The following PIK3C2G variants were observed in gnomAD, a reference collection of about 807,000 sequenced individuals.
The protein encoded by PIK3C2G is phosphatidylinositol-4-phosphate 3-kinase catalytic subunit type 2 gamma.
Under a neutral mutation model 181.1 loss-of-function variants are expected in PIK3C2G, and 168 were observed. The ratio of observed to expected loss-of-function variants is 0.93; its 90% CI spans 0.82 to 1.05. PIK3C2G has a LOEUF of 1.05. Ranked by LOEUF, PIK3C2G falls within the 50% of genes least tolerant of loss-of-function variation. The pLI, the probability that PIK3C2G is intolerant of heterozygous loss-of-function variation, is 0.00. For missense variants in PIK3C2G, 1,869 were observed against 1,732.8 expected, an observed-to-expected ratio of 1.08 and a Z score of -1.40; for synonymous variants, 573 against 592.2, an observed-to-expected ratio of 0.97 and a Z score of 0.47.
chr12:18,415,201 C>A (rs1385666279), intron 16 of PIK3C2G, among the ~76,000 whole-genome samples: 1 of 152,162 alleles, frequency 6.6e-6, no homozygotes. Flanking sequence ...TTTGTGGCTT[C>A]CTTGAGTCAA....
At chr12:18,405,089 C>T (rs1944444624) in intron 16 of PIK3C2G, among the ~76,000 whole-genome samples, 1 of 152,100 alleles carries the variant, frequency 6.6e-6, no homozygotes, top group African/African-American at 2.4e-5. Context: ...TTGCATCATT[C>T]ACCAAGATAA....
chr12:18,652,662 T>C (rs1042368556), downstream of PIK3C2G, among the ~76,000 whole-genome samples: 3 of 152,108 alleles, frequency 2.0e-5, no homozygotes, highest in Admixed American at 1.3e-4. Flanking sequence ...AAACAAATGA[T>C]AGAATGGCAC....
chr12:18,387,325 CTCT>C (rs1943238290), intron 14 of PIK3C2G, among the ~76,000 whole-genome samples: 1 of 152,164 alleles, frequency 6.6e-6, no homozygotes, highest in African/African-American at 2.4e-5. Flanking sequence ...CCTGCTTAGA[CTCT>C]TCAATAACTC....
intron 1 of PIK3C2G, among the ~76,000 whole-genome samples, chr12:18,274,603 T>A (rs1230163631): frequency 6.6e-6 from 1 of 151,578 alleles, no homozygotes; most frequent in Non-Finnish European, 1.5e-5. Context: ...AATTGAACAA[T>A]GAGAACACAT....
At chr12:18,416,097 T>A (rs889718850) in intron 16 of PIK3C2G, among the ~76,000 whole-genome samples, 1 of 152,118 alleles carries the variant, frequency 6.6e-6, no homozygotes, top group Admixed American at 6.6e-5. Context: ...ATACAAAAAT[T>A]AGCTGGGTGT....
At chr12:18,261,258 T>G (rs1948224192), upstream of PIK3C2G, among the ~76,000 whole-genome samples, 1 of 152,260 alleles carries the variant, frequency 6.6e-6, no homozygotes, top group East Asian at 1.9e-4. Flanking sequence ...AAAAATATAT[T>G]TTCGTTTGTA....
intron 25 of PIK3C2G, among the ~76,000 whole-genome samples, chr12:18,540,786 C>G (rs1381166959): frequency 6.6e-6 from 1 of 151,806 alleles, no homozygotes; most frequent in Non-Finnish European, 1.5e-5. Context: ...GATTTAGGCT[C>G]TCACAGAAAT....
chr12:18,594,549 A>T lies in PIK3C2G; in HGVS notation c.4067A>T (p.Glu1356Val). ...GAGGCTGTGCAACAAACAGTTGAAG[A>T]ATCATCACCTGTGTACCTAGGTAAG... ...LSEAVQQTVE[E>V]SSPVYLGEKF... The change falls in exon 30 of 33, where the codon GAA becomes GTA. Residue 1356 changes from glutamate (E) to valine (V), a missense_variant. Glu to Val is a moderately radical substitution (Grantham distance 121). Transcript: ENST00000538779. The T allele has an allele frequency of 6.5e-7, 1 of 1,548,676 alleles. No individual in the cohort carries two copies. Among genetic ancestry groups the T allele is most frequent in the Non-Finnish European group, 8.7e-7 (1 of 1,151,004 alleles).
chr12:18,364,021 A>AGTAGCTCT (rs1941460131), intron 12 of PIK3C2G, among the ~76,000 whole-genome samples: 1 of 152,174 alleles, frequency 6.6e-6, no homozygotes, highest in African/African-American at 2.4e-5. Flanking sequence ...AAAATTTTTC[A>AGTAGCTCT]GTAGCTCTCC....
intron 18 of PIK3C2G, among the ~76,000 whole-genome samples, chr12:18,428,147 T>C (rs1945946002): frequency 6.6e-6 from 1 of 151,920 alleles, no homozygotes; most frequent in Non-Finnish European, 1.5e-5. Context: ...GCACTAAGCA[T>C]AAAATAATAT....
At chr12:18,600,989 C>G (rs907214878) in intron 30 of PIK3C2G, among the ~76,000 whole-genome samples, 2 of 151,916 alleles carry the variant, frequency 1.3e-5, no homozygotes, top group Non-Finnish European at 2.9e-5. Context: ...CCAATAGTTT[C>G]AAGGATTACA....
chr12:18,539,847 A>T lies in PIK3C2G; in HGVS notation c.3480+1535A>T, dbSNP rs192714804. ...TGGTTTCTTCTTGTGTAAAGTGGAT[A>T]TATAAAGTTCTACCCATCTCCGAAA... is the stretch of plus-strand genomic sequence containing the variant. On this transcript the variant is annotated intron_variant, in intron 25 of 32. Coordinates refer to ENST00000538779, the MANE Select transcript of PIK3C2G (RefSeq NM_001288772.2). Among the ~76,000 whole-genome samples the T allele has an allele frequency of 3.1e-3, 470 of 152,070 alleles. 8 individuals carry two copies. The South Asian group carries it at 0.036, about 12-fold the overall frequency.
chr12:18,346,146 T>G (rs1939648068), intron 10 of PIK3C2G, among the ~76,000 whole-genome samples: 1 of 152,196 alleles, frequency 6.6e-6, no homozygotes, highest in Non-Finnish European at 1.5e-5. Flanking sequence ...CCTAGCCTTG[T>G]ACTATTTTCA....
At chr12:18,668,441 C>A in the PIK3C2G span, among the ~76,000 whole-genome samples, 10 of 152,190 alleles carry the variant, frequency 6.6e-5, no homozygotes, top group Non-Finnish European at 1.5e-4. Context: ...GGAACCCAAC[C>A]TACACACATG....
the PIK3C2G span, chr12:18,723,509 T>A: frequency 6.2e-7 from 1 of 1,612,662 alleles, no homozygotes; most frequent in Non-Finnish European, 8.5e-7. Flanking sequence ...AATTCTTCTA[T>A]GGTGATTCTT....
intron 25 of PIK3C2G, among the ~76,000 whole-genome samples, chr12:18,542,652 A>G (rs1237198473): frequency 6.6e-6 from 1 of 151,936 alleles, no homozygotes; most frequent in African/African-American, 2.4e-5. Flanking sequence ...AAGTGAGAAT[A>G]TGCAGTATGT....
At chr12:18,576,373 G>T (rs971798811) in intron 29 of PIK3C2G, among the ~76,000 whole-genome samples, 3 of 152,100 alleles carry the variant, frequency 2.0e-5, no homozygotes, top group Non-Finnish European at 4.4e-5. Context: ...AATGGTAATA[G>T]CACACCAAAT....
intron 18 of PIK3C2G, among the ~76,000 whole-genome samples, chr12:18,462,367 C>A (rs1171603664): frequency 6.6e-6 from 1 of 152,116 alleles, no homozygotes; most frequent in African/African-American, 2.4e-5. Context: ...AAAGATATAG[C>A]TAATGCACTT....
At chr12:18,336,685 G>C (rs1938573097) in intron 8 of PIK3C2G, among the ~76,000 whole-genome samples, 1 of 151,712 alleles carries the variant, frequency 6.6e-6, no homozygotes, top group South Asian at 2.1e-4. Context: ...TGTTATTATT[G>C]AGCGGATGTA....
Sources: gnomAD v4.1 joint callset for allele counts (sites outside exome capture counted in the v4.1 genomes callset) on GRCh38, gnomAD v4.1.1 for gene constraint, MANE v1.5 for transcripts, NCBI Gene and HGNC (gene_info 2026-07-23, HGNC 2026-07-21) for gene names.